The following ENTPD6 variants were observed in gnomAD, a reference collection of about 807,000 sequenced individuals.
ENTPD6 encodes ectonucleoside triphosphate diphosphohydrolase 6.
ENTPD6 carries 46 observed loss-of-function variants against 61.5 expected under a neutral mutation model. The observed-to-expected ratio is 0.75, with a 90% CI of 0.59 to 0.96. ENTPD6 has a LOEUF of 0.96. ENTPD6 is among the 40% of genes least tolerant of loss of function. ENTPD6 has a pLI of 0.00. For missense variants in ENTPD6, 612 were observed against 629.0 expected (o/e 0.97, Z 0.29); for synonymous variants, 252 against 255.5 (o/e 0.99, Z 0.13).
intron 4 of ENTPD6, among the ~76,000 whole-genome samples, chr20:25,212,082 T>G (rs896503439): frequency 6.6e-6 from 1 of 152,228 alleles, no homozygotes; most frequent in African/African-American, 2.4e-5. Flanking sequence ...GATGAATTAC[T>G]GGAGTGGAAT....
rs369231302 is a variant in ENTPD6, at chr20:25,213,328, G to T, written c.519G>T (p.Lys173Asn). Residue 173 changes from lysine to asparagine, a missense_variant, in exon 5 of 15, where the codon AAG becomes AAT. Coordinates refer to ENST00000376652, the MANE Select transcript of ENTPD6 (RefSeq NM_001247.5). Reference protein sequence around the residue: ...AKQDIPFDFWKATPLVLKATA... With the variant: ...AKQDIPFDFWNATPLVLKATA... The stretch of plus-strand genomic sequence containing the variant: ...AGGACATTCCGTTCGACTTCTGGAA[G>T]GCCACCCCTCTGGTCCTCAAGGCCA... 2 of 1,614,112 alleles carry T rather than the reference G, an allele frequency of 1.2e-6. No individual in the cohort carries two copies. Among genetic ancestry groups the T allele is most frequent in the Non-Finnish European group, 1.7e-6 (2 of 1,180,054 alleles).
chr20:25,211,588 G>A lies in ENTPD6; in HGVS notation c.453+1663G>A, dbSNP rs182053541. ...CCGAGGCCTTTGGCTTTGCTGCTGA[G>A]CAGGATAATTAGAGAGCGTTTATGT... On this transcript the variant is annotated intron_variant, in intron 4 of 14. Coordinates refer to ENST00000376652, the MANE Select transcript of ENTPD6 (RefSeq NM_001247.5). 2.6e-5 allele frequency among the ~76,000 whole-genome samples: 4 copies of A among 152,348 alleles called. No homozygotes were observed. The East Asian group carries it at 7.7e-4, about 29-fold the overall frequency.
intron 5 of ENTPD6, 75 bp from the exon 6 acceptor site, chr20:25,214,792 G>A (rs2092218754): frequency 7.5e-6 from 7 of 933,594 alleles, no homozygotes; most frequent in Non-Finnish European, 1.2e-5. Context: ...CACTTGACTA[G>A]CTAGCTAGCT....
intron 4 of ENTPD6, 37 bp downstream of exon 4, chr20:25,209,962 A>G (rs1007707): frequency 0.5 from 775,611 of 1,549,504 alleles, 201,426 homozygotes; most frequent in East Asian, 0.92. Context: ...GTTCAACTGC[A>G]GAATGTGTTC....
intron 2 of ENTPD6, 22 bp from the exon 3 acceptor site, chr20:25,207,054 G>T (rs1331057487): frequency 6.3e-7 from 1 of 1,580,424 alleles, no homozygotes; most frequent in African/African-American, 1.3e-5. Context: ...TGCTTTTCCT[G>T]CCTCTCCCCC....
rs755357226 is a variant in ENTPD6, at chr20:25,222,895, T to C, written c.1103T>C (p.Val368Ala). The C allele has an allele frequency of 2.7e-5, 43 of 1,613,850 alleles. No individual in the cohort carries two copies. Among genetic ancestry groups the C allele is most frequent in the Non-Finnish European group, 3.6e-5 (43 of 1,179,976 alleles). Residue 368 changes from valine to alanine, a missense_variant, in exon 12 of 15, where the codon GTG becomes GCG. By Grantham distance (64) the Val-to-Ala change is moderately conservative (BLOSUM62 0). Coordinates refer to ENST00000376652, the MANE Select transcript of ENTPD6 (RefSeq NM_001247.5). ...GTGTCAGAGGTCCTTCAAAACAGAGTGCACAGGACGGAGGAAGTGAAGCAT... is the reference window on the plus strand; with the variant it reads ...GTGTCAGAGGTCCTTCAAAACAGAGCGCACAGGACGGAGGAAGTGAAGCAT... Reference protein sequence around the residue: ...ARVSEVLQNRVHRTEEVKHVD... With the variant: ...ARVSEVLQNRAHRTEEVKHVD...
chr20:25,218,183 G>T (rs776674007), intron 9 of ENTPD6, among the ~76,000 whole-genome samples: 8 of 152,188 alleles, frequency 5.3e-5, no homozygotes, highest in Non-Finnish European at 1.0e-4. Flanking sequence ...TTTGGAGAAG[G>T]TTTGAGAAGT....
At chr20:25,212,016 C>T (rs1225522439) in intron 4 of ENTPD6, among the ~76,000 whole-genome samples, 1 of 152,162 alleles carries the variant, frequency 6.6e-6, no homozygotes, top group Non-Finnish European at 1.5e-5. Context: ...TGCTGTGTTG[C>T]CCAGGGTGGT....
chr20:25,213,230 A>G (rs1039205824), intron 4 of ENTPD6, 33 bp from the exon 5 acceptor site: 1 of 1,613,492 alleles, frequency 6.2e-7, no homozygotes, highest in Non-Finnish European at 8.5e-7. Flanking sequence ...GCTGCACTTG[A>G]CAGACCCTGC....
At chr20:25,221,800 C>T (rs546339599) in intron 11 of ENTPD6, 10 of 255,154 alleles carry the variant, frequency 3.9e-5, no homozygotes, top group South Asian at 4.6e-5. Context: ...AATGTTCAAA[C>T]GCCATTCCCA....
chr20:25,195,768 T>A lies in ENTPD6; in HGVS notation c.-115T>A, dbSNP rs1167834351. The A allele has an allele frequency of 3.9e-6, 4 of 1,033,312 alleles. No homozygotes were observed. The Admixed American group carries it at 1.7e-4, about 44-fold the overall frequency. 64.0% of individuals were successfully genotyped at this position (1,033,312 alleles called of 1,614,324 possible). On this transcript the variant is annotated 5_prime_UTR_variant, in exon 1 of 15. Transcript: ENST00000376652. ...CGTATCCCGCGGGTGGAGGCCGGGG[T>A]GGCGCCGGCCGGGGCGGGGGAGCCC... is the stretch of plus-strand genomic sequence containing the variant.
Position 25,217,485 on chromosome 20 carries a change from C to A in ENTPD6, c.799-17C>A. ...GAAAGACCAGCAGGAAACATAGTTA[C>A]CCTCGTTCTTCTCCAGGGCACCCTG... On this transcript the variant is annotated splice_polypyrimidine_tract_variant and intron_variant, in intron 8 of 14. Transcript: ENST00000376652. 3 of 1,612,140 alleles carry A rather than the reference C, an allele frequency of 1.9e-6. No individual in the cohort carries two copies. The highest frequency in any genetic ancestry group is 2.5e-6 in the Non-Finnish European group (3 of 1,178,210).
At chr20:25,213,624 G>A (rs1464921382) in intron 5 of ENTPD6, among the ~76,000 whole-genome samples, 1 of 152,188 alleles carries the variant, frequency 6.6e-6, no homozygotes, top group Non-Finnish European at 1.5e-5. Flanking sequence ...GTGAATCTGT[G>A]TTTTATAATA....
intron 1 of ENTPD6, among the ~76,000 whole-genome samples, chr20:25,202,907 C>A (rs1403914036): frequency 6.6e-6 from 1 of 152,148 alleles, no homozygotes; most frequent in African/African-American, 2.4e-5. Context: ...CTGTCTAGTG[C>A]CCTTTTGTTT....
intron 1 of ENTPD6, among the ~76,000 whole-genome samples, chr20:25,205,762 G>A (rs891471631): frequency 2.0e-5 from 3 of 152,172 alleles, no homozygotes; most frequent in Non-Finnish European, 2.9e-5. Flanking sequence ...CCCTCGGCAC[G>A]GGGCACTGTG....
At chr20:25,217,246 G>A (rs999322503) in intron 8 of ENTPD6, among the ~76,000 whole-genome samples, 1 of 152,134 alleles carries the variant, frequency 6.6e-6, no homozygotes, top group African/African-American at 2.4e-5. Flanking sequence ...GGGCTCATAG[G>A]TACTGATATG....
rs2092752648 is a variant in ENTPD6, at chr20:25,224,927, T to C, written c.1244-278T>C. 10 of 510,444 alleles carry C rather than the reference T, an allele frequency of 2.0e-5. No homozygotes were observed. The Admixed American group carries it at 2.8e-4, about 14-fold the overall frequency. 31.6% of individuals were successfully genotyped at this position (510,444 alleles called of 1,614,324 possible). A position where few individuals can be genotyped will look rare whatever the true frequency, so the allele number is the denominator to read the frequency against. On this transcript the variant is annotated intron_variant, in intron 13 of 14. Transcript: ENST00000376652. ...TGACACCTGGGAGAGGTGTCCAGGG[T>C]CTTAGATGTAGAAATGTGGCTTGGG...
rs1185044741 is a variant in ENTPD6 at position 25,226,641 on chromosome 20, G to A, written c.*1044G>A. 1 of 152,394 alleles carries A rather than the reference G, an allele frequency of 6.6e-6. No homozygotes were observed. The highest frequency in any genetic ancestry group is 2.4e-5 in the African/African-American group (1 of 41,460). 9.4% of individuals were successfully genotyped at this position (152,394 alleles called of 1,614,324 possible). A position where few individuals can be genotyped will look rare whatever the true frequency, so the allele number is the denominator to read the frequency against. ...GTGTCGGGGCTGAGCCCCTTGAGCTGCTTCAGTGAATGTACAGTGCCCGGC... is the reference window on the plus strand; with the variant it reads ...GTGTCGGGGCTGAGCCCCTTGAGCTACTTCAGTGAATGTACAGTGCCCGGC... On this transcript the variant is annotated 3_prime_UTR_variant, in exon 15 of 15. Coordinates refer to ENST00000376652, the MANE Select transcript of ENTPD6 (RefSeq NM_001247.5).
At position 25,214,752 on chromosome 20, in the gene ENTPD6, T is replaced by C. The variant is rs555989350; in HGVS notation, c.598-115T>C. 78 of 678,060 alleles carry C rather than the reference T, an allele frequency of 1.2e-4. No individual in the cohort carries two copies. In the African/African-American group the frequency reaches 1.3e-3, roughly 11 times the overall value. 42.0% of individuals were successfully genotyped at this position (678,060 alleles called of 1,614,324 possible). On this transcript the variant is annotated intron_variant, in intron 5 of 14. Coordinates refer to ENST00000376652, the MANE Select transcript of ENTPD6 (RefSeq NM_001247.5). ...CTAATTGATCACAACCAGTTACAGA[T>C]TTTTTCGTTCTTCTCCACCCACACT...
Sources: allele counts gnomAD v4.1 joint callset (sites outside exome capture counted in the v4.1 genomes callset), GRCh38; gene constraint gnomAD v4.1.1; transcripts MANE v1.5; gene names NCBI Gene and HGNC (gene_info 2026-07-23, HGNC 2026-07-21).